Variants in FAM171A1 observed in about 807,000 individuals in gnomAD.
FAM171A1 encodes the protein protein FAM171A1.
In FAM171A1, 23 loss-of-function variants were observed where a neutral mutation model predicts 74.9. The ratio of observed to expected loss-of-function variants is 0.31; its 90% CI spans 0.22 to 0.44. The LOEUF is 0.44. FAM171A1 is among the 20% of genes least tolerant of loss of function. The pLI is 1.00. For missense variants in FAM171A1, 1,162 were observed against 1,159.2 expected (o/e 1.00, Z -0.03); for synonymous variants, 527 against 505.7 (o/e 1.04, Z -0.57).
intron 1 of FAM171A1, among the ~76,000 whole-genome samples, chr10:15,313,401 C>T (rs909991508): frequency 4.6e-5 from 7 of 152,206 alleles, no homozygotes; most frequent in Non-Finnish European, 7.3e-5. Context: ...AATTTTCCCT[C>T]TTGGAACTTC....
intron 1 of FAM171A1, among the ~76,000 whole-genome samples, chr10:15,302,122 A>G (rs1588542155): frequency 6.6e-6 from 1 of 152,056 alleles, no homozygotes; most frequent in African/African-American, 2.4e-5. Context: ...TGCTCTTTAC[A>G]CCACACTTAG....
intron 7 of FAM171A1, 81 bp from the exon 8 acceptor site, chr10:15,214,682 A>C: frequency 6.8e-7 from 1 of 1,480,958 alleles, no homozygotes; most frequent in Non-Finnish European, 8.9e-7. Context: ...TAAAATCCTA[A>C]TTCTCAATTT....
At chr10:15,371,729 G>A (rs1025378956), upstream of FAM171A1, among the ~76,000 whole-genome samples, 2 of 152,206 alleles carry the variant, frequency 1.3e-5, no homozygotes, top group East Asian at 1.9e-4. Context: ...ATGGTTCTAG[G>A]GGTTAGGGTG....
intron 1 of FAM171A1, among the ~76,000 whole-genome samples, chr10:15,290,588 G>T (rs1835091346): frequency 6.6e-6 from 1 of 152,176 alleles, no homozygotes; most frequent in African/African-American, 2.4e-5. Flanking sequence ...ACCCTCAGGA[G>T]CTTTAGCTTT....
At chr10:15,235,209 G>A (rs1026949120) in intron 5 of FAM171A1, among the ~76,000 whole-genome samples, 1 of 147,352 alleles carries the variant, frequency 6.8e-6, no homozygotes, top group Non-Finnish European at 1.5e-5. Context: ...GGCTGAGACA[G>A]GAGAATCGCT....
intron 1 of FAM171A1, among the ~76,000 whole-genome samples, chr10:15,353,160 G>A (rs1209048461): frequency 6.6e-6 from 1 of 152,186 alleles, no homozygotes; most frequent in Non-Finnish European, 1.5e-5. Context: ...CCAGCAGATG[G>A]TAGGTAACAA....
intron 2 of FAM171A1, among the ~76,000 whole-genome samples, chr10:15,283,155 T>G (rs574789459): frequency 1.3e-5 from 2 of 151,012 alleles, no homozygotes; most frequent in South Asian, 2.1e-4. Flanking sequence ...AGGGAGGGAG[T>G]GAGGGAGGAG....
intron 1 of FAM171A1, among the ~76,000 whole-genome samples, chr10:15,353,528 T>C (rs1007831690): frequency 6.6e-6 from 1 of 152,176 alleles, no homozygotes; most frequent in African/African-American, 2.4e-5. Flanking sequence ...AAAGGAACAT[T>C]ATCTCATGAG....
intron 1 of FAM171A1, among the ~76,000 whole-genome samples, chr10:15,349,576 A>G (rs1202793318): frequency 1.3e-5 from 2 of 152,180 alleles, no homozygotes; most frequent in African/African-American, 4.8e-5. Flanking sequence ...AGGACCACTA[A>G]AGGGCTTTTC....
intron 5 of FAM171A1, among the ~76,000 whole-genome samples, chr10:15,223,539 C>G (rs1188747181): frequency 6.6e-6 from 1 of 152,222 alleles, no homozygotes; most frequent in Non-Finnish European, 1.5e-5. Flanking sequence ...TTTCTCCTGC[C>G]TTTCTCCCTA....
rs1238028207 is a variant in FAM171A1 at position 15,280,802 on chromosome 10, G to A, written c.325+3076C>T. 4.6e-5 allele frequency among the ~76,000 whole-genome samples: 7 copies of A among 152,336 alleles called. No individual in the cohort carries two copies. In the East Asian group the frequency reaches 1.2e-3, roughly 25 times the overall value. ...CCCAGTTATCTGCAATACCAGAAGTGTTAGTGTTCATCTCCAAAAATATGC... is the reference window on the plus strand; with the variant it reads ...CCCAGTTATCTGCAATACCAGAAGTATTAGTGTTCATCTCCAAAAATATGC... On this transcript the variant is annotated intron_variant, in intron 2 of 7. Coordinates refer to ENST00000378116, the MANE Select transcript of FAM171A1 (RefSeq NM_001010924.2).
At chr10:15,330,000 G>A (rs912620081) in intron 1 of FAM171A1, among the ~76,000 whole-genome samples, 18 of 152,242 alleles carry the variant, frequency 1.2e-4, no homozygotes, top group African/African-American at 4.3e-4. Flanking sequence ...GCATAGTATG[G>A]CACTGCAAAT....
At chr10:15,372,553 C>T (rs1024099576), upstream of FAM171A1, among the ~76,000 whole-genome samples, 1 of 151,814 alleles carries the variant, frequency 6.6e-6, no homozygotes, top group Non-Finnish European at 1.5e-5. Context: ...AAAAAATTAA[C>T]CAGGCATAGT....
chr10:15,213,754 C>T lies in FAM171A1; in HGVS notation c.1834G>A (p.Glu612Lys), dbSNP rs1833926850. Reference sequence around the variant, plus strand: ...TTGGACAGCTCAGCCTGTAGTCTTTCTATCTCAAGCTGCTGATCAGCCGGG... The same window carrying T: ...TTGGACAGCTCAGCCTGTAGTCTTTTTATCTCAAGCTGCTGATCAGCCGGG... ...VVPADQQLEI[E>K]RLQAELSNPH... The change falls in exon 8 of 8, where the codon GAA becomes AAA. Residue 612 changes from glutamate to lysine, a missense_variant. Transcript: ENST00000378116. The surrounding 1 kb of genome is among the most constrained non-coding windows in gnomAD (Gnocchi z 6.8). 1.2e-6 allele frequency: 2 copies of T among 1,613,998 alleles called. No homozygotes were observed. The highest frequency in any genetic ancestry group is 1.7e-5 in the Admixed American group (1 of 60,016).
chr10:15,223,306 A>G (rs542043088), intron 5 of FAM171A1, among the ~76,000 whole-genome samples: 377 of 152,346 alleles, frequency 2.5e-3, no homozygotes, highest in African/African-American at 8.8e-3. Flanking sequence ...CATGACTTAC[A>G]CGTCGTATCC....
At chr10:15,333,855 T>C (rs76766820) in intron 1 of FAM171A1, among the ~76,000 whole-genome samples, 1 of 109,710 alleles carries the variant, frequency 9.1e-6, no homozygotes, top group Non-Finnish European at 2.3e-5. Flanking sequence ...AAGAAAAGAA[T>C]ACTAAAAAAA....
At chr10:15,346,423 A>G (rs893477140) in intron 1 of FAM171A1, among the ~76,000 whole-genome samples, 7 of 152,194 alleles carry the variant, frequency 4.6e-5, no homozygotes, top group African/African-American at 9.7e-5. Flanking sequence ...TGGTGGGAAG[A>G]GGCCTCAAGA....
intron 3 of FAM171A1, among the ~76,000 whole-genome samples, chr10:15,269,755 G>A (rs12256555): frequency 0.056 from 8,454 of 152,286 alleles, 417 homozygotes; most frequent in African/African-American, 0.13. Flanking sequence ...GAAAGGGATG[G>A]TGGCACACAG....
At position 15,275,913 on chromosome 10, in the gene FAM171A1, T is replaced by C. The variant is rs752243943; in HGVS notation, c.360A>G (p.Glu120=). ...CATATACCATTAGAGTGGCAGAGCG[T>C]TCTGGAAGCAGGCCAAGGCTCAGAG... The part of the protein sequence containing the change: ...FSSLSLGLLP[E]RSATLMVYED... Residue 120 remains glutamate, a synonymous_variant, in exon 3 of 8, where the codon GAA becomes GAG. Transcript: ENST00000378116. 4 of 1,613,038 alleles carry C rather than the reference T, an allele frequency of 2.5e-6. No individual in the cohort carries two copies. The East Asian group carries it at 8.9e-5, about 36-fold the overall frequency.
Sources: gnomAD v4.1 joint callset for allele counts (sites outside exome capture counted in the v4.1 genomes callset) on GRCh38, gnomAD v4.1.1 for gene constraint, Gnocchi (gnomAD v3.1) non-coding constraint, MANE v1.5 for transcripts, NCBI Gene and HGNC (gene_info 2026-07-23, HGNC 2026-07-21) for gene names.